Variants in CDKAL1 observed in about 807,000 individuals in gnomAD.
CDKAL1 encodes CDKAL1 threonylcarbamoyladenosine tRNA methylthiotransferase, also known as threonylcarbamoyladenosine tRNA methylthiotransferase.
Under a neutral mutation model 68.2 loss-of-function variants are expected in CDKAL1, and 32 were observed. That is an observed-to-expected ratio of 0.47 (90% confidence interval 0.35 to 0.63). The LOEUF (loss-of-function observed/expected upper bound fraction) is 0.63, where lower values mean the gene tolerates loss of function less well. Ranked by LOEUF, CDKAL1 falls within the 30% of genes least tolerant of loss-of-function variation. The pLI, the probability that CDKAL1 is intolerant of heterozygous loss-of-function variation, is 0.00. For missense variants in CDKAL1, 606 were observed against 696.7 expected (o/e 0.87, Z 1.47); for synonymous variants, 234 against 244.3 (o/e 0.96, Z 0.39).
At chr6:20,557,016 C>A (rs1581721050) in intron 4 of CDKAL1, among the ~76,000 whole-genome samples, 1 of 129,224 alleles carries the variant, frequency 7.7e-6, no homozygotes, top group African/African-American at 2.7e-5. Flanking sequence ...CCAGCCTGGG[C>A]AACAGAAAGA....
At chr6:20,543,112 GA>G (rs1763453005) in intron 2 of CDKAL1, among the ~76,000 whole-genome samples, 1 of 152,204 alleles carries the variant, frequency 6.6e-6, no homozygotes, top group Non-Finnish European at 1.5e-5. Flanking sequence ...CTATTACAAA[GA>G]AAGCTGCTGT....
intron 8 of CDKAL1, among the ~76,000 whole-genome samples, chr6:20,811,140 A>G (rs1358597085): frequency 6.6e-6 from 1 of 152,218 alleles, no homozygotes; most frequent in Non-Finnish European, 1.5e-5. Flanking sequence ...ACTGCCATGG[A>G]CAAGAGCCAA....
chr6:21,084,183 C>A (rs745542969), intron 12 of CDKAL1, among the ~76,000 whole-genome samples: 1 of 152,036 alleles, frequency 6.6e-6, no homozygotes, highest in African/African-American at 2.4e-5. Context: ...CTTATGTAGT[C>A]CACAAGATTT....
chr6:20,847,063 GT>G, intron 9 of CDKAL1, among the ~76,000 whole-genome samples: 1 of 152,206 alleles, frequency 6.6e-6, no homozygotes, highest in African/African-American at 2.4e-5. Context: ...TGTTTAGTCT[GT>G]AGAAAACTTT....
At chr6:21,223,244 A>G (rs186458525) in intron 15 of CDKAL1, among the ~76,000 whole-genome samples, 144 of 152,300 alleles carry the variant, frequency 9.5e-4, no homozygotes, top group Middle Eastern at 3.4e-3. Flanking sequence ...GTATCTCAGA[A>G]GTGTTGCTGT....
At chr6:20,887,472 T>C (rs1434364598) in intron 9 of CDKAL1, among the ~76,000 whole-genome samples, 1 of 151,894 alleles carries the variant, frequency 6.6e-6, no homozygotes, top group Non-Finnish European at 1.5e-5. Flanking sequence ...AAATGAACTA[T>C]TATTTAGTGA....
intron 11 of CDKAL1, among the ~76,000 whole-genome samples, chr6:21,024,936 T>G (rs551930033): frequency 6.6e-6 from 1 of 152,342 alleles, no homozygotes; most frequent in African/African-American, 2.4e-5. Context: ...AATTAACTGA[T>G]GGACCCCACA....
At chr6:21,036,272 A>G (rs1769592746) in intron 11 of CDKAL1, among the ~76,000 whole-genome samples, 1 of 152,182 alleles carries the variant, frequency 6.6e-6, no homozygotes, top group Admixed American at 6.5e-5. Flanking sequence ...CATTAAGTCC[A>G]TAACAGAAGC....
intron 7 of CDKAL1, 34 bp downstream of exon 7, chr6:20,758,677 TATTTTCTGAACTACATA>T: frequency 6.5e-7 from 1 of 1,543,948 alleles, no homozygotes; most frequent in Non-Finnish European, 8.9e-7. Context: ...CAGATGTATA[TATTTTCTGAACTACATA>T]GTAGAAACAC....
chr6:20,944,371 C>T (rs1000338131), intron 9 of CDKAL1, among the ~76,000 whole-genome samples: 5 of 45,922 alleles, frequency 1.1e-4, no homozygotes, highest in African/African-American at 1.3e-4. Flanking sequence ...CTTTTTGAGA[C>T]GGAGTCTCAC....
At chr6:20,875,577 G>A (rs1760470647) in intron 9 of CDKAL1, among the ~76,000 whole-genome samples, 2 of 152,144 alleles carry the variant, frequency 1.3e-5, no homozygotes, top group Admixed American at 6.5e-5. Flanking sequence ...GGAGAGGGCA[G>A]CAGCGCTGTA....
rs1274392537 is a variant in CDKAL1, at chr6:21,231,142, A to G, written c.*103A>G. The G allele has an allele frequency of 1.1e-5, 10 of 878,858 alleles. No homozygotes were observed. The highest frequency in any genetic ancestry group is 2.1e-5 in the South Asian group (1 of 47,396). The allele number at this position is 878,858 out of a possible 1,614,324, so 54.4% of individuals were successfully genotyped here. A position where few individuals can be genotyped will look rare whatever the true frequency, so the allele number is the denominator to read the frequency against. On this transcript the variant is annotated 3_prime_UTR_variant, in exon 16 of 16. Transcript: ENST00000274695. Reference sequence around the variant, plus strand: ...CCATTCTCCAAGGGCAATAATTTGTACTGGTCATGCTGCCTCCTTCTCAGC... The same window carrying G: ...CCATTCTCCAAGGGCAATAATTTGTGCTGGTCATGCTGCCTCCTTCTCAGC...
At chr6:20,866,271 C>A (rs1759903238) in intron 9 of CDKAL1, among the ~76,000 whole-genome samples, 2 of 152,036 alleles carry the variant, frequency 1.3e-5, no homozygotes, top group Non-Finnish European at 2.9e-5. Flanking sequence ...TACAACAGGA[C>A]TGAATAAATG....
chr6:20,861,336 T>A (rs1759616765), intron 9 of CDKAL1, among the ~76,000 whole-genome samples: 1 of 152,236 alleles, frequency 6.6e-6, no homozygotes, highest in Non-Finnish European at 1.5e-5. Flanking sequence ...ATTAACTGAA[T>A]GGGTTCTGTT....
chr6:20,950,515 A>G (rs1228102499), intron 9 of CDKAL1, among the ~76,000 whole-genome samples: 2 of 152,258 alleles, frequency 1.3e-5, no homozygotes, highest in Non-Finnish European at 2.9e-5. Flanking sequence ...AACAGCAGGA[A>G]GTAAAAGCTG....
chr6:21,049,563 AT>A (rs1191859193), intron 11 of CDKAL1, among the ~76,000 whole-genome samples: 1 of 152,132 alleles, frequency 6.6e-6, no homozygotes, highest in African/African-American at 2.4e-5. Context: ...CTTACTTTTA[AT>A]TTTTAAGGCA....
intron 9 of CDKAL1, among the ~76,000 whole-genome samples, chr6:20,911,465 A>G (rs965122020): frequency 2.6e-5 from 4 of 152,212 alleles, no homozygotes; most frequent in Non-Finnish European, 5.9e-5. Flanking sequence ...AATTTTGCAT[A>G]TGTGCACATG....
intron 11 of CDKAL1, among the ~76,000 whole-genome samples, chr6:21,024,783 C>T (rs1239375086): frequency 6.6e-6 from 1 of 152,150 alleles, no homozygotes; most frequent in East Asian, 1.9e-4. Flanking sequence ...TACTTCATGT[C>T]CTCATCTCTG....
At chr6:20,769,197 G>A (rs1243999641) in intron 7 of CDKAL1, among the ~76,000 whole-genome samples, 1 of 151,418 alleles carries the variant, frequency 6.6e-6, no homozygotes, top group Non-Finnish European at 1.5e-5. Context: ...CTTCACAGGG[G>A]TGACCTTTAA....
Sources: allele counts gnomAD v4.1 joint callset (sites outside exome capture counted in the v4.1 genomes callset), GRCh38; gene constraint gnomAD v4.1.1; transcripts MANE v1.5; gene names NCBI Gene and HGNC (gene_info 2026-07-23, HGNC 2026-07-21).